SGCD: variants seen among roughly 807,000 people sequenced by gnomAD.
SGCD encodes the protein delta-sarcoglycan.
SGCD carries 18 observed loss-of-function variants against 36.6 expected under a neutral mutation model. The ratio of observed to expected loss-of-function variants is 0.49; its 90% CI spans 0.34 to 0.73. SGCD has a LOEUF of 0.73. Among genes scored for constraint, SGCD ranks in the 30% least tolerant of loss-of-function variants. SGCD has a pLI of 0.01. For missense variants in SGCD, 387 were observed against 346.7 expected (o/e 1.12, Z -0.92); for synonymous variants, 133 against 130.6 (o/e 1.02, Z -0.12).
chr5:156,377,109 T>A (rs907051571), intron 3 of SGCD, among the ~76,000 whole-genome samples: 13 of 152,186 alleles, frequency 8.5e-5, no homozygotes, highest in African/African-American at 3.1e-4. Flanking sequence ...ACCTCTATTT[T>A]AAAAAATAAA....
chr5:155,852,510 A>G, the SGCD span, among the ~76,000 whole-genome samples: 1 of 152,130 alleles, frequency 6.6e-6, no homozygotes, highest in Non-Finnish European at 1.5e-5. Flanking sequence ...TCTATGGTAA[A>G]TAATATTATT....
At chr5:156,386,907 T>C (rs541916751) in intron 3 of SGCD, among the ~76,000 whole-genome samples, 3 of 152,386 alleles carry the variant, frequency 2.0e-5, no homozygotes, top group South Asian at 4.1e-4. Context: ...GTATGTTTAT[T>C]CATTGTTGTT....
chr5:156,409,422 G>T (rs1772619235), intron 3 of SGCD, among the ~76,000 whole-genome samples: 1 of 152,176 alleles, frequency 6.6e-6, no homozygotes, highest in Admixed American at 6.5e-5. Flanking sequence ...CAGTTCTTCA[G>T]ATCGCCCACG....
chr5:155,780,231 C>T, the SGCD span, among the ~76,000 whole-genome samples: 1 of 152,144 alleles, frequency 6.6e-6, no homozygotes, highest in Admixed American at 6.6e-5. Context: ...AACAGCTTGA[C>T]ATGGCCACTT....
intron 3 of SGCD, among the ~76,000 whole-genome samples, chr5:156,254,868 A>AT (rs575738863): frequency 1.3e-3 from 203 of 150,980 alleles, no homozygotes; most frequent in Middle Eastern, 3.4e-3. Flanking sequence ...AATAAATCTC[A>AT]TTTTTTTTTG....
the SGCD span, among the ~76,000 whole-genome samples, chr5:155,770,804 G>GT: frequency 3.9e-5 from 6 of 152,170 alleles, no homozygotes; most frequent in Admixed American, 3.9e-4. Context: ...CTCTTTATCA[G>GT]TTTTTATCCC....
intron 3 of SGCD, among the ~76,000 whole-genome samples, chr5:156,321,276 C>T (rs1002247430): frequency 1.3e-4 from 19 of 151,980 alleles, no homozygotes; most frequent in Non-Finnish European, 2.8e-4. Flanking sequence ...AAAAATTAGC[C>T]AGGCATGGTG....
At chr5:156,255,615 C>T (rs917590148) in intron 3 of SGCD, among the ~76,000 whole-genome samples, 3 of 152,022 alleles carry the variant, frequency 2.0e-5, no homozygotes, top group African/African-American at 4.8e-5. Flanking sequence ...ACATTTCATT[C>T]AGGTTTTAAA....
intron 7 of SGCD, among the ~76,000 whole-genome samples, chr5:156,654,041 C>T (rs1324437567): frequency 1.3e-5 from 2 of 152,048 alleles, no homozygotes. Flanking sequence ...GAAAGCTTCC[C>T]TTTCACTATC....
the SGCD span, among the ~76,000 whole-genome samples, chr5:155,752,607 C>G: frequency 6.6e-6 from 1 of 152,266 alleles, no homozygotes; most frequent in East Asian, 1.9e-4. Context: ...GGTCTGATTC[C>G]TAACCCCCAT....
At chr5:156,439,766 T>A (rs1309524713) in intron 3 of SGCD, among the ~76,000 whole-genome samples, 1 of 152,152 alleles carries the variant, frequency 6.6e-6, no homozygotes, top group African/African-American at 2.4e-5. Context: ...TTGATTAAAG[T>A]GAGAGCTCAC....
At chr5:156,251,310 A>G (rs571033525) in intron 3 of SGCD, among the ~76,000 whole-genome samples, 2 of 152,316 alleles carry the variant, frequency 1.3e-5, no homozygotes, top group East Asian at 1.9e-4. Flanking sequence ...GCTTGCATGC[A>G]GAAGAATGCA....
At chr5:156,726,502 A>T (rs2652324) in intron 7 of SGCD, among the ~76,000 whole-genome samples, 120,423 of 152,176 alleles carry the variant, frequency 0.79, 47,955 homozygotes, top group East Asian at 0.89. Context: ...GCCTACCATG[A>T]AATTCACTGT....
the SGCD span, among the ~76,000 whole-genome samples, chr5:155,817,753 A>T: frequency 1.3e-5 from 2 of 152,302 alleles, no homozygotes; most frequent in East Asian, 1.9e-4. Flanking sequence ...TACATAAAAA[A>T]ATAAGTAAAT....
intron 3 of SGCD, among the ~76,000 whole-genome samples, chr5:156,251,073 C>T (rs1322375279): frequency 6.6e-6 from 1 of 152,146 alleles, no homozygotes; most frequent in Non-Finnish European, 1.5e-5. Flanking sequence ...ACACATTTTA[C>T]ATTAATAAAA....
intron 3 of SGCD, among the ~76,000 whole-genome samples, chr5:156,388,988 C>T (rs759560663): frequency 2.6e-5 from 4 of 152,136 alleles, no homozygotes; most frequent in Non-Finnish European, 5.9e-5. Flanking sequence ...GAGTGTAAGA[C>T]AAGGGGAAGG....
intron 1 of SGCD, among the ~76,000 whole-genome samples, chr5:156,070,636 C>G (rs1269943493): frequency 6.6e-6 from 1 of 152,096 alleles, no homozygotes; most frequent in African/African-American, 2.4e-5. Context: ...CAGGATGATG[C>G]TGGCCTCATA....
chr5:156,600,323 C>T (rs1053810104), intron 6 of SGCD, among the ~76,000 whole-genome samples: 1 of 152,146 alleles, frequency 6.6e-6, no homozygotes. Flanking sequence ...CCTCCATCCC[C>T]TCCCAATTTA....
At chr5:156,068,692 C>A (rs568517405) in intron 1 of SGCD, among the ~76,000 whole-genome samples, 1 of 151,720 alleles carries the variant, frequency 6.6e-6, no homozygotes, top group Non-Finnish European at 1.5e-5. Flanking sequence ...CCTCAGGAAT[C>A]GCCACACTGA....
Sources: allele counts gnomAD v4.1 joint callset (sites outside exome capture counted in the v4.1 genomes callset), GRCh38; gene constraint gnomAD v4.1.1; transcripts MANE v1.5; gene names NCBI Gene and HGNC (gene_info 2026-07-23, HGNC 2026-07-21).